The following WDFY2 variants were observed in gnomAD, a reference collection of about 807,000 sequenced individuals.
WDFY2 encodes WD repeat and FYVE domain containing 2.
Under a neutral mutation model 56.4 loss-of-function variants are expected in WDFY2, and 36 were observed. That is an observed-to-expected ratio of 0.64 (90% CI 0.49 to 0.84). The LOEUF is 0.84. Among genes scored for constraint, WDFY2 ranks in the 40% least tolerant of loss-of-function variants. WDFY2 has a pLI of 0.00. For missense variants in WDFY2, 444 were observed against 512.2 expected, an observed-to-expected ratio of 0.87 and a Z score of 1.29; for synonymous variants, 176 against 183.7, an observed-to-expected ratio of 0.96 and a Z score of 0.34.
intron 1 of WDFY2, 122 bp from the exon 2 acceptor site, chr13:51,660,474 G>C: frequency 1.2e-6 from 1 of 808,436 alleles, no homozygotes; most frequent in Non-Finnish European, 1.9e-6. Flanking sequence ...TGCTGGGACA[G>C]GCTTGAGCCA....
At chr13:51,711,405 A>G (rs968384454) in intron 4 of WDFY2, among the ~76,000 whole-genome samples, 3 of 152,232 alleles carry the variant, frequency 2.0e-5, no homozygotes, top group African/African-American at 7.2e-5. Flanking sequence ...TAAAACACCA[A>G]AAGCAATGGC....
chr13:51,718,545 CTTA>C (rs1395997787), intron 4 of WDFY2, among the ~76,000 whole-genome samples: 3 of 145,868 alleles, frequency 2.1e-5, no homozygotes, highest in African/African-American at 5.1e-5. Context: ...GAAATTTGCT[CTTA>C]TTATCATTCA....
intron 6 of WDFY2, among the ~76,000 whole-genome samples, chr13:51,734,177 T>C (rs964956500): frequency 2.6e-5 from 4 of 152,138 alleles, no homozygotes; most frequent in Non-Finnish European, 5.9e-5. Flanking sequence ...AACCCTGATT[T>C]TGTAACACTC....
rs987341758 is a variant in WDFY2, at chr13:51,692,571, C to T, written c.280-11025C>T. ...ACTTGATCATGGTGGATAAGCTTTT[C>T]GATGTGCTGCTGGATTCGGTTTGCC... On this transcript the variant is annotated intron_variant, in intron 3 of 11. Coordinates refer to ENST00000298125, the MANE Select transcript of WDFY2 (RefSeq NM_052950.4). Among the ~76,000 whole-genome samples the T allele has an allele frequency of 2.3e-4, 35 of 152,112 alleles. 1 individual carries two copies. Among genetic ancestry groups the T allele is most frequent in the Admixed American group, 7.2e-4 (11 of 15,278 alleles).
rs556560318 is a variant in WDFY2, at chr13:51,675,217, A to T, written c.253A>T (p.Ile85Leu). The T allele has an allele frequency of 6.2e-7, 1 of 1,613,894 alleles. No individual in the cohort carries two copies. The highest frequency in any genetic ancestry group is 8.5e-7 in the Non-Finnish European group (1 of 1,179,814). Residue 85 changes from isoleucine (I) to leucine (L), a missense_variant, in exon 3 of 12, where the codon ATA becomes TTA. Coordinates refer to ENST00000298125, the MANE Select transcript of WDFY2 (RefSeq NM_052950.4). ...TAACCCGGAAACAAGAAGACTGTCC[A>T]TAGGTCTAGACAATGGTACAATCTC... ...SFNPETRRLS[I>L]GLDNGTISEF...
chr13:51,644,833 A>T (rs1210202217), intron 1 of WDFY2, among the ~76,000 whole-genome samples: 1 of 152,220 alleles, frequency 6.6e-6, no homozygotes, highest in Non-Finnish European at 1.5e-5. Flanking sequence ...AATACTGGAC[A>T]ACACCCAGCT....
intron 1 of WDFY2, among the ~76,000 whole-genome samples, chr13:51,585,747 T>C (rs1953925056): frequency 6.6e-6 from 1 of 152,196 alleles, no homozygotes; most frequent in Non-Finnish European, 1.5e-5. Flanking sequence ...AACACGGGGA[T>C]TTTACAGTAA....
At chr13:51,645,735 G>A (rs1056222083) in intron 1 of WDFY2, among the ~76,000 whole-genome samples, 1 of 152,196 alleles carries the variant, frequency 6.6e-6, no homozygotes. Flanking sequence ...CTTTGCAGAT[G>A]TTTTTCTCTT....
intron 3 of WDFY2, among the ~76,000 whole-genome samples, chr13:51,683,164 C>T (rs1440883734): frequency 6.6e-6 from 1 of 152,140 alleles, no homozygotes; most frequent in African/African-American, 2.4e-5. Flanking sequence ...AAGTGACTCC[C>T]TTATTTTCGT....
At chr13:51,754,623 CT>C (rs1432912447) in intron 8 of WDFY2, among the ~76,000 whole-genome samples, 2 of 152,222 alleles carry the variant, frequency 1.3e-5, no homozygotes, top group African/African-American at 4.8e-5. Flanking sequence ...GCCATTCAGA[CT>C]TCCCTGACTG....
chr13:51,722,558 C>G (rs1035878513), intron 5 of WDFY2, among the ~76,000 whole-genome samples: 13 of 152,140 alleles, frequency 8.5e-5, no homozygotes, highest in African/African-American at 2.9e-4. Flanking sequence ...CTTAGATTTT[C>G]AGTCTTTTAC....
chr13:51,621,088 T>A (rs918465528), intron 1 of WDFY2, among the ~76,000 whole-genome samples: 3 of 152,262 alleles, frequency 2.0e-5, no homozygotes, highest in Admixed American at 2.0e-4. Context: ...AGGTAAACTT[T>A]CTGTCCTCTT....
intron 6 of WDFY2, among the ~76,000 whole-genome samples, chr13:51,734,750 C>G (rs1357249009): frequency 6.6e-6 from 1 of 152,130 alleles, no homozygotes; most frequent in Non-Finnish European, 1.5e-5. Context: ...AGAATTAAAC[C>G]ATTTTTATTT....
intron 1 of WDFY2, 143 bp downstream of exon 1, chr13:51,584,967 C>A: frequency 1.6e-6 from 2 of 1,226,164 alleles, no homozygotes; most frequent in Non-Finnish European, 2.2e-6. Flanking sequence ...CCTGGTGGTG[C>A]CGGTGTTCAG....
At chr13:51,674,793 A>G (rs932255437) in intron 2 of WDFY2, among the ~76,000 whole-genome samples, 1 of 152,130 alleles carries the variant, frequency 6.6e-6, no homozygotes, top group African/African-American at 2.4e-5. Flanking sequence ...TTCAGAAAGG[A>G]TAGGTTATTT....
At chr13:51,695,780 G>A (rs1036317792) in intron 3 of WDFY2, among the ~76,000 whole-genome samples, 2 of 152,212 alleles carry the variant, frequency 1.3e-5, no homozygotes, top group Admixed American at 1.3e-4. Flanking sequence ...TGCCCCCAGA[G>A]GTGGAGCCTA....
chr13:51,719,196 A>G lies in WDFY2; in HGVS notation c.335-2A>G, dbSNP rs544873303. 6.2e-7 allele frequency: 1 copy of G among 1,614,184 alleles called. No individual in the cohort carries two copies. Among genetic ancestry groups the G allele is most frequent in the Admixed American group, 1.7e-5 (1 of 60,028 alleles). ...GTTGTTTTCTTTTCTCTTGGTTTTCAGCGCATCAGAGCAGAGTGACGATGA... is the reference window on the plus strand; with the variant it reads ...GTTGTTTTCTTTTCTCTTGGTTTTCGGCGCATCAGAGCAGAGTGACGATGA... On this transcript the variant is annotated splice_acceptor_variant, in intron 4 of 11. Transcript: ENST00000298125. LOFTEE classifies it high-confidence loss of function.
intron 5 of WDFY2, among the ~76,000 whole-genome samples, chr13:51,724,506 G>A (rs962318772): frequency 6.6e-6 from 1 of 152,048 alleles, no homozygotes. Flanking sequence ...CAGAGTGCTG[G>A]GATTACAGGC....
At position 51,604,715 on chromosome 13, in the gene WDFY2, G is replaced by A. The variant is rs146925233; in HGVS notation, c.137+19891G>A. 2.3e-3 allele frequency among the ~76,000 whole-genome samples: 348 copies of A among 152,336 alleles called. 2 individuals carry two copies. The highest frequency in any genetic ancestry group is 8.2e-3 in the African/African-American group (340 of 41,576). On this transcript the variant is annotated intron_variant, in intron 1 of 11. Transcript: ENST00000298125. ...ACATGTGGCTAATGGCTACCATACT[G>A]AACAGTGCAGATTGTAGAACATTTT... is the stretch of plus-strand genomic sequence containing the variant.
Sources: allele counts gnomAD v4.1 joint callset (sites outside exome capture counted in the v4.1 genomes callset), GRCh38; gene constraint gnomAD v4.1.1; transcripts MANE v1.5; gene names NCBI Gene and HGNC (gene_info 2026-07-23, HGNC 2026-07-21).